The following NCKAP5 variants were observed in gnomAD, a reference collection of about 807,000 sequenced individuals.
The protein encoded by NCKAP5 is NCK associated protein 5.
Under a neutral mutation model 167.0 loss-of-function variants are expected in NCKAP5, and 92 were observed. The observed-to-expected ratio is 0.55, with a 90% CI of 0.47 to 0.66. The LOEUF (loss-of-function observed/expected upper bound fraction) is 0.66, where lower values mean the gene tolerates loss of function less well. NCKAP5 is among the 30% of genes least tolerant of loss of function. NCKAP5 has a pLI of 0.00. For synonymous variants in NCKAP5, 891 were observed against 877.4 expected, an observed-to-expected ratio of 1.02 and a Z score of -0.27; for missense variants, 2,378 against 2,315.0, an observed-to-expected ratio of 1.03 and a Z score of -0.56.
At chr2:132,798,503 T>C (rs1167874996) in intron 11 of NCKAP5, among the ~76,000 whole-genome samples, 1 of 152,224 alleles carries the variant, frequency 6.6e-6, no homozygotes, top group Non-Finnish European at 1.5e-5. Context: ...TTGAGTGGTA[T>C]ATCATCTGAT....
At chr2:132,919,297 C>T (rs2148990514) in intron 8 of NCKAP5, among the ~76,000 whole-genome samples, 1 of 152,170 alleles carries the variant, frequency 6.6e-6, no homozygotes, top group African/African-American at 2.4e-5. Context: ...CATCAATTAC[C>T]CTGCCACAGA....
rs959058916 is a variant in NCKAP5, at chr2:132,684,244, G to A, written c.5714-10939C>T. Among the ~76,000 whole-genome samples, 3 of 152,220 alleles carry A rather than the reference G, an allele frequency of 2.0e-5. No individual in the cohort carries two copies. The South Asian group carries it at 6.2e-4, about 32-fold the overall frequency. ...CTGCATGGCTGTGTAAACACAATGCGATTGCTATGAGAATTAAATATGGAT... is the reference window on the plus strand; with the variant it reads ...CTGCATGGCTGTGTAAACACAATGCAATTGCTATGAGAATTAAATATGGAT... On this transcript the variant is annotated intron_variant, in intron 19 of 19. Coordinates refer to ENST00000409261, the MANE Select transcript of NCKAP5 (RefSeq NM_207363.3).
chr2:132,885,908 G>A (rs376400867), intron 8 of NCKAP5, among the ~76,000 whole-genome samples: 11 of 152,276 alleles, frequency 7.2e-5, no homozygotes, highest in Non-Finnish European at 1.3e-4. Flanking sequence ...TAACAGCTCC[G>A]CTGCAGGCTT....
intron 3 of NCKAP5, among the ~76,000 whole-genome samples, chr2:133,374,712 TGAACTTA>T (rs1234127798): frequency 1.3e-5 from 2 of 152,124 alleles, no homozygotes; most frequent in African/African-American, 4.8e-5. Flanking sequence ...AATTTTGCTG[TGAACTTA>T]AAACTGCTCT....
chr2:132,968,090 G>C (rs1346360311), intron 7 of NCKAP5, among the ~76,000 whole-genome samples: 1 of 152,164 alleles, frequency 6.6e-6, no homozygotes, highest in Non-Finnish European at 1.5e-5. Context: ...GTCTAAAAGA[G>C]GAAGGCTAGC....
chr2:133,564,624 A>C (rs969270924), intron 1 of NCKAP5, among the ~76,000 whole-genome samples: 2 of 152,148 alleles, frequency 1.3e-5, no homozygotes, highest in African/African-American at 4.8e-5. Flanking sequence ...TCTTCATCTG[A>C]GAGAAGTAAG....
At chr2:132,699,474 C>T (rs71413518) in intron 19 of NCKAP5, among the ~76,000 whole-genome samples, 1 of 151,986 alleles carries the variant, frequency 6.6e-6, no homozygotes, top group African/African-American at 2.4e-5. Context: ...TGCTATCCCT[C>T]CCCACTCCCC....
chr2:132,782,812 C>G lies in NCKAP5; in HGVS notation c.3999G>C (p.Glu1333Asp). 6.2e-7 allele frequency: 1 copy of G among 1,613,904 alleles called. No individual in the cohort carries two copies. Among genetic ancestry groups the G allele is most frequent in the Non-Finnish European group, 8.5e-7 (1 of 1,179,838 alleles). Residue 1333 changes from glutamate to aspartate, a missense_variant, in exon 14 of 20, where the codon GAG (glutamate) becomes GAC (aspartate). Glu to Asp is a conservative substitution (Grantham distance 45). Transcript: ENST00000409261. ...AGGGCCTCCCAACACTGGGGAGACTCTCCAACATGGGAGCAGAAGGGGCCT... is the reference window on the plus strand; with the variant it reads ...AGGGCCTCCCAACACTGGGGAGACTGTCCAACATGGGAGCAGAAGGGGCCT... ...PNKAPSAPML[E>D]SLPSVGRPSG...
intron 3 of NCKAP5, among the ~76,000 whole-genome samples, chr2:133,430,599 A>G (rs1362769224): frequency 6.6e-6 from 1 of 152,132 alleles, no homozygotes; most frequent in Non-Finnish European, 1.5e-5. Flanking sequence ...ATACTTAGCC[A>G]GTTTTTCCAG....
At chr2:132,697,537 G>T (rs1687457914) in intron 19 of NCKAP5, among the ~76,000 whole-genome samples, 1 of 151,984 alleles carries the variant, frequency 6.6e-6, no homozygotes, top group Non-Finnish European at 1.5e-5. Context: ...AAGAAAAATG[G>T]CATCTTTGTT....
chr2:133,070,502 G>C, intron 6 of NCKAP5, among the ~76,000 whole-genome samples: 1 of 152,164 alleles, frequency 6.6e-6, no homozygotes, highest in Non-Finnish European at 1.5e-5. Flanking sequence ...TCTAAGGACC[G>C]ACTCCTTAGT....
chr2:133,619,971 T>A, the NCKAP5 span, among the ~76,000 whole-genome samples: 1 of 152,104 alleles, frequency 6.6e-6, no homozygotes, highest in Non-Finnish European at 1.5e-5. Flanking sequence ...AACACAATTA[T>A]CAGCCAGAAA....
intron 6 of NCKAP5, among the ~76,000 whole-genome samples, chr2:133,029,462 G>T (rs1478797490): frequency 6.6e-6 from 1 of 151,348 alleles, no homozygotes; most frequent in Admixed American, 6.6e-5. Context: ...ACTACATGGG[G>T]AGCAGGGGGA....
intron 9 of NCKAP5, among the ~76,000 whole-genome samples, chr2:132,874,210 G>C (rs1463268956): frequency 6.7e-6 from 1 of 149,210 alleles, no homozygotes; most frequent in Admixed American, 6.8e-5. Context: ...CCGAGTTCAA[G>C]TGATTCTCCT....
chr2:133,252,899 A>C (rs556844640), intron 4 of NCKAP5, among the ~76,000 whole-genome samples: 7 of 152,362 alleles, frequency 4.6e-5, no homozygotes, highest in African/African-American at 9.6e-5. Context: ...AAAGCAAGCC[A>C]CAACCCTTTA....
intron 5 of NCKAP5, among the ~76,000 whole-genome samples, chr2:133,162,047 TTA>T: frequency 6.6e-6 from 1 of 152,224 alleles, no homozygotes; most frequent in East Asian, 1.9e-4. Context: ...AGATTTGCAC[TTA>T]CTCATTCTTG....
chr2:132,982,905 C>T (rs940244874), intron 7 of NCKAP5, among the ~76,000 whole-genome samples: 3 of 152,062 alleles, frequency 2.0e-5, no homozygotes, highest in African/African-American at 7.2e-5. Flanking sequence ...TTTTCTTTAT[C>T]CAGACCACCA....
At chr2:133,583,458 G>A in the NCKAP5 span, among the ~76,000 whole-genome samples, 1 of 135,246 alleles carries the variant, frequency 7.4e-6, no homozygotes, top group Non-Finnish European at 1.7e-5. Context: ...AGAAGCAGAT[G>A]CCAGCACCGT....
intron 6 of NCKAP5, among the ~76,000 whole-genome samples, chr2:133,095,683 G>C (rs1021196600): frequency 1.3e-5 from 2 of 152,142 alleles, no homozygotes; most frequent in Non-Finnish European, 2.9e-5. Context: ...TGTTGTCTAA[G>C]TCACTGCATT....
Sources: gnomAD v4.1 joint callset for allele counts (sites outside exome capture counted in the v4.1 genomes callset) on GRCh38, gnomAD v4.1.1 for gene constraint, MANE v1.5 for transcripts, NCBI Gene and HGNC (gene_info 2026-07-23, HGNC 2026-07-21) for gene names.